ABRAXAS2: variants seen among roughly 807,000 people sequenced by gnomAD.
The protein encoded by ABRAXAS2 is abraxas 2, BRISC complex subunit.
A neutral mutation model predicts 49.0 loss-of-function variants in ABRAXAS2; 23 were observed. That is an observed-to-expected ratio of 0.47 (90% CI 0.34 to 0.66). ABRAXAS2 has a LOEUF of 0.66. Ranked by LOEUF, ABRAXAS2 falls within the 30% of genes least tolerant of loss-of-function variation. The pLI, the probability that ABRAXAS2 is intolerant of heterozygous loss-of-function variation, is 0.01. For missense variants in ABRAXAS2, 443 were observed against 511.9 expected (o/e 0.87, Z 1.30); for synonymous variants, 168 against 180.2 (o/e 0.93, Z 0.54).
Position 124,826,702 on chromosome 10 carries a change from C to T in ABRAXAS2, c.375C>T (p.Leu125=), listed in dbSNP as rs148132266. 9.4e-5 allele frequency: 151 copies of T among 1,614,084 alleles called. No homozygotes were observed. The highest frequency in any genetic ancestry group is 1.2e-4 in the Non-Finnish European group (139 of 1,180,052). The stretch of plus-strand genomic sequence containing the variant: ...CCCGCATCCTCGGCGTGCCCGACCT[C>T]GTCTTTCTTCTCTTCAGCTTCATCT... The part of the protein sequence containing the change: ...QLTRILGVPD[L]VFLLFSFIST... Residue 125 remains leucine, a synonymous_variant, in exon 5 of 9, where the codon CTC becomes CTT. Transcript: ENST00000298492.
At chr10:124,822,746 T>C (rs1030403207) in intron 4 of ABRAXAS2, among the ~76,000 whole-genome samples, 1 of 149,788 alleles carries the variant, frequency 6.7e-6, no homozygotes, top group African/African-American at 2.5e-5. Context: ...GAGCTGAGAT[T>C]GCATCATTGC....
At chr10:124,806,590 G>A (rs1238252776) in intron 1 of ABRAXAS2, among the ~76,000 whole-genome samples, 9 of 152,134 alleles carry the variant, frequency 5.9e-5, no homozygotes, top group Admixed American at 5.2e-4. Flanking sequence ...CCAAAAACAG[G>A]GAGGAGTTGA....
intron 7 of ABRAXAS2, among the ~76,000 whole-genome samples, chr10:124,830,047 A>C (rs529966932): frequency 6.6e-6 from 1 of 152,316 alleles, no homozygotes; most frequent in African/African-American, 2.4e-5. Flanking sequence ...AGTTTGCTCT[A>C]AAACCTAAGA....
chr10:124,834,869 C>A lies in ABRAXAS2; in HGVS notation c.1146C>A (p.Asp382Glu). The stretch of plus-strand genomic sequence containing the variant: ...ACAGTGATTATGAAAATTTGATTGA[C>A]CCTACAGAGCCTTCTAATAGTGAAT... ...SDDSDYENLI[D>E]PTEPSNSEYS... The change falls in exon 9 of 9, where the codon GAC (aspartate) becomes GAA (glutamate). Residue 382 changes from aspartate (D) to glutamate (E), a missense_variant. Asp to Glu is a conservative substitution (Grantham distance 45, BLOSUM62 2). Coordinates refer to ENST00000298492, the MANE Select transcript of ABRAXAS2 (RefSeq NM_032182.4). The A allele has an allele frequency of 6.2e-7, 1 of 1,614,110 alleles. No homozygotes were observed. Among genetic ancestry groups the A allele is most frequent in the Non-Finnish European group, 8.5e-7 (1 of 1,180,026 alleles).
At chr10:124,824,873 AAAAC>A (rs1950887368) in intron 4 of ABRAXAS2, among the ~76,000 whole-genome samples, 1 of 152,224 alleles carries the variant, frequency 6.6e-6, no homozygotes. Context: ...TCTTGAAAGG[AAAAC>A]TACTTTTACC....
At chr10:124,816,665 A>T in intron 3 of ABRAXAS2, 53 bp downstream of exon 3, 1 of 1,369,978 alleles carries the variant, frequency 7.3e-7, no homozygotes, top group African/African-American at 1.4e-5. Context: ...TTGATAAAAA[A>T]AACTAGTGAA....
At chr10:124,807,642 T>C (rs1285315051) in intron 2 of ABRAXAS2, among the ~76,000 whole-genome samples, 1 of 152,080 alleles carries the variant, frequency 6.6e-6, no homozygotes, top group Admixed American at 6.6e-5. Flanking sequence ...CTAAAATTAT[T>C]TGCACTAATA....
At chr10:124,811,769 ATTTTG>A (rs964619900) in intron 2 of ABRAXAS2, among the ~76,000 whole-genome samples, 5 of 149,924 alleles carry the variant, frequency 3.3e-5, no homozygotes, top group Non-Finnish European at 6.0e-5. Context: ...AACATAATTA[ATTTTG>A]TTTTGTTTTG....
intron 4 of ABRAXAS2, among the ~76,000 whole-genome samples, chr10:124,825,032 A>G (rs144389948): frequency 2.8e-3 from 427 of 152,190 alleles, no homozygotes; most frequent in African/African-American, 8.9e-3. Context: ...ATCAGATTAT[A>G]TACTGAGGCC....
intron 4 of ABRAXAS2, among the ~76,000 whole-genome samples, chr10:124,822,099 A>T (rs1950865078): frequency 6.6e-6 from 1 of 152,208 alleles, no homozygotes; most frequent in Non-Finnish European, 1.5e-5. Context: ...GTGCACAAGG[A>T]TGTTTGTTGT....
chr10:124,826,718 A>C lies in ABRAXAS2; in HGVS notation c.391A>C (p.Ser131Arg). The change falls in exon 5 of 9, where the codon AGC (serine) becomes CGC (arginine). Residue 131 changes from serine (S) to arginine (R), a missense_variant. Around this residue, in one of 3 missense-constraint regions of ABRAXAS2, gnomAD observed 166 missense variants for 247.3 expected, o/e 0.67. Coordinates refer to ENST00000298492, the MANE Select transcript of ABRAXAS2 (RefSeq NM_032182.4). ...GVPDLVFLLFSFISTANNSTH... is the reference protein window; with the variant it reads ...GVPDLVFLLFRFISTANNSTH... Reference sequence around the variant, plus strand: ...GCCCGACCTCGTCTTTCTTCTCTTCAGCTTCATCTCCACTGCCAACAATTC... The same window carrying C: ...GCCCGACCTCGTCTTTCTTCTCTTCCGCTTCATCTCCACTGCCAACAATTC... 1 of 1,614,160 alleles carries C rather than the reference A, an allele frequency of 6.2e-7. No homozygotes were observed. The highest frequency in any genetic ancestry group is 1.6e-4 in the Middle Eastern group (1 of 6,062).
At chr10:124,806,573 C>T (rs566652219) in intron 1 of ABRAXAS2, among the ~76,000 whole-genome samples, 125 of 152,278 alleles carry the variant, frequency 8.2e-4, no homozygotes, top group African/African-American at 2.9e-3. Context: ...TGATGAAATT[C>T]ACTCTTCCAA....
intron 8 of ABRAXAS2, 74 bp downstream of exon 8, chr10:124,831,537 A>G: frequency 1.3e-6 from 1 of 777,202 alleles, no homozygotes; most frequent in South Asian, 1.7e-5. Context: ...ACTATACAAT[A>G]AATTATGTGC....
intron 1 of ABRAXAS2, among the ~76,000 whole-genome samples, chr10:124,806,346 G>C (rs1487541611): frequency 6.6e-6 from 1 of 151,750 alleles, no homozygotes; most frequent in Admixed American, 6.6e-5. Context: ...AAAGGTTCAT[G>C]TGGATGATAG....
intron 1 of ABRAXAS2, among the ~76,000 whole-genome samples, chr10:124,804,722 T>G (rs1316988383): frequency 6.7e-6 from 1 of 149,264 alleles, no homozygotes; most frequent in East Asian, 2.0e-4. Flanking sequence ...TCTTTCTTTT[T>G]TTTTTTTTTG....
chr10:124,818,398 C>CAA (rs754223417), intron 3 of ABRAXAS2, among the ~76,000 whole-genome samples: 15 of 59,796 alleles, frequency 2.5e-4, no homozygotes, highest in South Asian at 5.7e-4. Context: ...TCCATCTCAA[C>CAA]AAAAAAAAAA....
intron 2 of ABRAXAS2, among the ~76,000 whole-genome samples, chr10:124,811,705 T>C (rs898594400): frequency 6.6e-6 from 1 of 151,872 alleles, no homozygotes; most frequent in Admixed American, 6.6e-5. Context: ...GCCACTGCAC[T>C]CCAGCCTGGG....
intron 4 of ABRAXAS2, among the ~76,000 whole-genome samples, chr10:124,820,142 T>C (rs948034757): frequency 1.3e-5 from 2 of 152,222 alleles, no homozygotes; most frequent in Non-Finnish European, 2.9e-5. Flanking sequence ...AGTGCAGTTA[T>C]ATTAAAACAA....
At position 124,816,618 on chromosome 10, in the gene ABRAXAS2, C is replaced by A; in HGVS notation, c.200+6C>A. Reference sequence around the variant, plus strand: ...CCTTGTTCAAAACTTTTTAGGTAAGCCATATGTAAGCTTTTAGTCCTTACT... The same window carrying A: ...CCTTGTTCAAAACTTTTTAGGTAAGACATATGTAAGCTTTTAGTCCTTACT... On this transcript the variant is annotated splice_donor_region_variant and intron_variant, in intron 3 of 8. Transcript: ENST00000298492. 6.3e-7 allele frequency: 1 copy of A among 1,597,052 alleles called. No homozygotes were observed. Among genetic ancestry groups the A allele is most frequent in the Non-Finnish European group, 8.6e-7 (1 of 1,166,248 alleles).
Sources: allele counts gnomAD v4.1 joint callset (sites outside exome capture counted in the v4.1 genomes callset), GRCh38; gene constraint gnomAD v4.1.1; regional missense constraint gnomAD v4.1.1; transcripts MANE v1.5; gene names NCBI Gene and HGNC (gene_info 2026-07-23, HGNC 2026-07-21).